The following CCDC174 variants were observed in gnomAD, a reference collection of about 807,000 sequenced individuals.
CCDC174 encodes coiled-coil domain containing 174, also known as coiled-coil domain-containing protein 174.
Under a neutral mutation model 57.1 loss-of-function variants are expected in CCDC174, and 37 were observed. The observed-to-expected ratio is 0.65, with a 90% CI of 0.50 to 0.85. CCDC174 has a LOEUF of 0.85. CCDC174 is among the 40% of genes least tolerant of loss of function. CCDC174 has a pLI of 0.00. For synonymous variants in CCDC174, 182 were observed against 190.2 expected (o/e 0.96, Z 0.35); for missense variants, 540 against 574.3 (o/e 0.94, Z 0.61).
chr3:14,661,386 T>G (rs983145849), intron 4 of CCDC174, 144 bp from the exon 5 acceptor site: 3 of 657,788 alleles, frequency 4.6e-6, no homozygotes, highest in Non-Finnish European at 7.9e-6. Context: ...GCTGTGTGTC[T>G]TTGTAAACAT....
chr3:14,656,597 T>A (rs2030968304), intron 3 of CCDC174, among the ~76,000 whole-genome samples: 1 of 152,242 alleles, frequency 6.6e-6, no homozygotes, highest in Admixed American at 6.5e-5. Context: ...ATGCTTGGTT[T>A]CACCACTGTA....
intron 4 of CCDC174, 110 bp from the exon 5 acceptor site, chr3:14,661,420 A>T: frequency 1.2e-6 from 1 of 825,822 alleles, no homozygotes; most frequent in Non-Finnish European, 1.9e-6. Context: ...GCATTGGCTG[A>T]TGAGCTGTCA....
Position 14,669,986 on chromosome 3 carries a change from A to G in CCDC174, c.1005A>G (p.Pro335=), listed in dbSNP as rs1285703987. ...LPPEPEAVPT[P]RPAAQSSKVE... ...CGGAGCCAGAGGCTGTGCCAACCCC[A>G]CGTCCTGCTGCCCAGAGTAGCAAAG... Residue 335 remains proline, a synonymous_variant, in exon 10 of 11, where the codon CCA becomes CCG. Transcript: ENST00000383794. 1 of 1,613,632 alleles carries G rather than the reference A, an allele frequency of 6.2e-7. No individual in the cohort carries two copies. The highest frequency in any genetic ancestry group is 8.5e-7 in the Non-Finnish European group (1 of 1,179,928).
At chr3:14,653,037 A>C (rs961903541) in intron 1 of CCDC174, among the ~76,000 whole-genome samples, 1 of 152,198 alleles carries the variant, frequency 6.6e-6, no homozygotes, top group Non-Finnish European at 1.5e-5. Flanking sequence ...TTTACTTCAG[A>C]GTATTAGGAC....
chr3:14,661,702 A>G lies in CCDC174; in HGVS notation c.480A>G (p.Glu160=). The change falls in exon 5 of 11, where the codon GAA becomes GAG. Residue 160 remains glutamate (E), a synonymous_variant. Coordinates refer to ENST00000383794, the MANE Select transcript of CCDC174 (RefSeq NM_016474.5). ...GEIPPPQDPS[E]EWVDYVDSLG... ...TCCCTCCTCCCCAAGACCCCAGTGA[A>G]GAATGGTTGGTAACATCATGGATTA... 1 of 1,610,904 alleles carries G rather than the reference A, an allele frequency of 6.2e-7. No individual in the cohort carries two copies.
chr3:14,651,773 A>G lies in CCDC174; in HGVS notation c.-64A>G. On this transcript the variant is annotated 5_prime_UTR_variant, in exon 1 of 11. Coordinates refer to ENST00000383794, the MANE Select transcript of CCDC174 (RefSeq NM_016474.5). ...AGACACTTCCGGTTGCGACGGAGGTAGGCTTACGAGGCCTGTGTCGGGTAG... is the reference window on the plus strand; with the variant it reads ...AGACACTTCCGGTTGCGACGGAGGTGGGCTTACGAGGCCTGTGTCGGGTAG... The G allele has an allele frequency of 1.3e-6, 2 of 1,545,052 alleles. No homozygotes were observed. Among genetic ancestry groups the G allele is most frequent in the Non-Finnish European group, 1.8e-6 (2 of 1,117,894 alleles).
chr3:14,655,502 GT>G, intron 2 of CCDC174, 26 bp from the exon 3 acceptor site: 1 of 1,508,090 alleles, frequency 6.6e-7, no homozygotes, highest in Non-Finnish European at 9.1e-7. Flanking sequence ...ATGTGGTTCT[GT>G]TTTGTCTTCT....
chr3:14,667,163 T>C (rs2031370023), intron 7 of CCDC174: 1 of 621,888 alleles, frequency 1.6e-6, no homozygotes, highest in African/African-American at 1.8e-5. Context: ...CAAGGGATTG[T>C]TCCCTGAGAG....
Position 14,651,975 on chromosome 3 carries a change from C to CA in CCDC174, c.42+98dup, listed in dbSNP as rs1013263009. 9 of 1,223,994 alleles carry CA rather than the reference C, an allele frequency of 7.4e-6. No homozygotes were observed. In the African/African-American group the frequency reaches 8.9e-5, roughly 12 times the overall value. 75.8% of individuals were successfully genotyped at this position (1,223,994 alleles called of 1,614,324 possible). ...TAGCTTGTTTCTTCACTCGGGGACC[C>CA]AGAGACCTGACCTCTCCCCTCAAAC... On this transcript the variant is annotated intron_variant, in intron 1 of 10. Coordinates refer to ENST00000383794, the MANE Select transcript of CCDC174 (RefSeq NM_016474.5).
intron 6 of CCDC174, among the ~76,000 whole-genome samples, chr3:14,666,037 C>CAAA (rs71038422): frequency 1.7e-4 from 14 of 84,784 alleles, no homozygotes; most frequent in African/African-American, 5.9e-4. Context: ...GACTCCGTCT[C>CAAA]AAAAAAAAAA....
intron 5 of CCDC174, among the ~76,000 whole-genome samples, chr3:14,663,706 CTA>C (rs2031226747): frequency 6.6e-6 from 1 of 152,164 alleles, no homozygotes; most frequent in Non-Finnish European, 1.5e-5. Context: ...ACAGAATGGT[CTA>C]TGATTGCTTT....
intron 4 of CCDC174, among the ~76,000 whole-genome samples, chr3:14,661,327 T>C (rs1023717735): frequency 2.3e-5 from 3 of 130,370 alleles, no homozygotes; most frequent in African/African-American, 5.0e-5. Flanking sequence ...TAGAAAACTT[T>C]AGGCTTTTTC....
Position 14,655,561 on chromosome 3 carries a change from C to A in CCDC174, c.180C>A (p.Gly60=). The change falls in exon 3 of 11, where the codon GGC becomes GGA. Residue 60 remains glycine, a synonymous_variant. Coordinates refer to ENST00000383794, the MANE Select transcript of CCDC174 (RefSeq NM_016474.5). ...GTATCTGGAGCAAACAGAATGTAGGCGTTTCAAATCGAGCTGAGAAGGATG... is the reference window on the plus strand; with the variant it reads ...GTATCTGGAGCAAACAGAATGTAGGAGTTTCAAATCGAGCTGAGAAGGATG... ...KPSIWSKQNV[G]VSNRAEKDAE... is the part of the protein sequence containing the mutation. The A allele has an allele frequency of 1.9e-6, 3 of 1,609,426 alleles. No individual in the cohort carries two copies. Among genetic ancestry groups the A allele is most frequent in the Non-Finnish European group, 2.5e-6 (3 of 1,177,626 alleles).
In CCDC174 at chr3:14,661,552, C is replaced by T; in HGVS notation, c.330C>T (p.Tyr110=). ...TAGATGAAGAAGTAGAGGATATGTA[C>T]CTTGTGGATTTCACACAGAAGATCA... ...DFIDEEVEDM[Y]LVDFTQKIID... The change falls in exon 5 of 11, where the codon TAC becomes TAT. Residue 110 remains tyrosine (Y), a synonymous_variant. Transcript: ENST00000383794. The T allele has an allele frequency of 1.2e-6, 2 of 1,613,170 alleles. No individual in the cohort carries two copies. Among genetic ancestry groups the T allele is most frequent in the Non-Finnish European group, 1.7e-6 (2 of 1,179,692 alleles).
At chr3:14,657,473 A>G (rs2030995364) in intron 3 of CCDC174, among the ~76,000 whole-genome samples, 1 of 152,200 alleles carries the variant, frequency 6.6e-6, no homozygotes, top group African/African-American at 2.4e-5. Flanking sequence ...TTCTAACTCA[A>G]CAGAAGAAAC....
chr3:14,666,166 G>A (rs186981843), intron 6 of CCDC174, among the ~76,000 whole-genome samples: 2 of 152,106 alleles, frequency 1.3e-5, no homozygotes, highest in Admixed American at 1.3e-4. Context: ...CATGTCCCCA[G>A]ATGAGAGACC....
intron 3 of CCDC174, 58 bp downstream of exon 3, chr3:14,655,687 T>G: frequency 8.8e-7 from 1 of 1,134,160 alleles, no homozygotes; most frequent in Non-Finnish European, 1.3e-6. Flanking sequence ...GGCAGAGAAA[T>G]GGAAGTTCAA....
In CCDC174 at chr3:14,671,501, C is replaced by A; in HGVS notation, c.*307C>A. On this transcript the variant is annotated 3_prime_UTR_variant, in exon 11 of 11. Transcript: ENST00000383794. ...TTATAACCCTGTTTCATATCTACTCCCACGACTTACTCATATTTAAGGGTT... is the reference window on the plus strand; with the variant it reads ...TTATAACCCTGTTTCATATCTACTCACACGACTTACTCATATTTAAGGGTT... 1 of 273,668 alleles carries A rather than the reference C, an allele frequency of 3.7e-6. No homozygotes were observed. Among genetic ancestry groups the A allele is most frequent in the Non-Finnish European group, 6.8e-6 (1 of 146,712 alleles). The allele number at this position is 273,668 out of a possible 1,614,324, so 17.0% of individuals were successfully genotyped here.
In CCDC174 at chr3:14,656,220, A is replaced by C. The variant is rs114980728; in HGVS notation, c.248+591A>C. Among the ~76,000 whole-genome samples, 1,022 of 152,304 alleles carry C rather than the reference A, an allele frequency of 6.7e-3. 12 individuals carry two copies. The highest frequency in any genetic ancestry group is 0.023 in the African/African-American group (959 of 41,548). ...TAACACTGATAAATTAGTATTATCT[A>C]TTTTGTGGTCCATATTCAGATTTCA... is the stretch of plus-strand genomic sequence containing the variant. On this transcript the variant is annotated intron_variant, in intron 3 of 10. Coordinates refer to ENST00000383794, the MANE Select transcript of CCDC174 (RefSeq NM_016474.5).
Sources: allele counts gnomAD v4.1 joint callset (sites outside exome capture counted in the v4.1 genomes callset), GRCh38; gene constraint gnomAD v4.1.1; transcripts MANE v1.5; gene names NCBI Gene and HGNC (gene_info 2026-07-23, HGNC 2026-07-21).